MMP26: variants seen among roughly 807,000 people sequenced by gnomAD.
The protein encoded by MMP26 is matrix metalloproteinase-26.
In MMP26, 33 loss-of-function variants were observed where a neutral mutation model predicts 31.0. That is an observed-to-expected ratio of 1.06 (90% CI 0.81 to 1.42). The LOEUF (loss-of-function observed/expected upper bound fraction) is 1.42, where lower values mean the gene tolerates loss of function less well. Among genes scored for constraint, MMP26 ranks in the 40% most tolerant of loss-of-function variants. The probability of loss-of-function intolerance (pLI) is 0.00; values close to 1 mark genes in which losing one functional copy is unlikely to be tolerated. For synonymous variants in MMP26, 122 were observed against 114.9 expected, an observed-to-expected ratio of 1.06 and a Z score of -0.40; for missense variants, 347 against 316.1, an observed-to-expected ratio of 1.10 and a Z score of -0.74.
intron 2 of MMP26, among the ~76,000 whole-genome samples, chr11:4,938,708 GCA>G (rs1183170416): frequency 2.0e-5 from 3 of 152,106 alleles, no homozygotes; most frequent in Admixed American, 1.3e-4. Context: ...GAAGGGAACA[GCA>G]CAGTTTACTC....
Position 4,776,545 on chromosome 11 carries a change from A to G in MMP26, c.-145+9204A>G, listed in dbSNP as rs76158936. Among the ~76,000 whole-genome samples the G allele has an allele frequency of 8.7e-3, 1,321 of 152,162 alleles. 15 individuals are homozygous for G. Among genetic ancestry groups the G allele is most frequent in the African/African-American group, 0.03 (1,262 of 41,518 alleles). ...ATTTGTACTTCTCTGATGATTAGTG[A>G]TATGGTTTGGCTCTGTGCCCCCTAC... On this transcript the variant is annotated intron_variant, in intron 2 of 7. Transcript: ENST00000380390.
At chr11:4,899,265 A>G (rs73405042) in intron 2 of MMP26, among the ~76,000 whole-genome samples, 5,052 of 152,210 alleles carry the variant, frequency 0.033, 280 homozygotes, top group African/African-American at 0.12. Context: ...GTATTACTCA[A>G]ATTCAACTGC....
rs1350269228 is a variant in MMP26, at chr11:4,704,802, T to A, written c.-460T>A. ...ATCTGGTAGTTCTCCTATTCCTGAA[T>A]TTTTTCCCTATGTTTTCTCCTGGCA... On this transcript the variant is annotated 5_prime_UTR_variant, in exon 1 of 8. Coordinates refer to ENST00000380390, the MANE Select transcript of MMP26 (RefSeq NM_021801.5). The A allele has an allele frequency of 3.3e-5, 5 of 152,228 alleles. No individual in the cohort carries two copies. The highest frequency in any genetic ancestry group is 7.3e-5 in the Non-Finnish European group (5 of 68,104). 9.4% of individuals were successfully genotyped at this position (152,228 alleles called of 1,614,324 possible).
chr11:4,831,531 A>T (rs1353257823), intron 2 of MMP26, among the ~76,000 whole-genome samples: 1 of 152,178 alleles, frequency 6.6e-6, no homozygotes, highest in Non-Finnish European at 1.5e-5. Flanking sequence ...TTTTATTTTA[A>T]TAATATTCTT....
At chr11:4,846,731 A>C (rs1849873718) in intron 2 of MMP26, among the ~76,000 whole-genome samples, 1 of 152,210 alleles carries the variant, frequency 6.6e-6, no homozygotes, top group East Asian at 1.9e-4. Flanking sequence ...AAAGTTAGTC[A>C]ATTATTGTGC....
chr11:4,884,037 A>G (rs1370505620), intron 2 of MMP26, among the ~76,000 whole-genome samples: 1 of 152,092 alleles, frequency 6.6e-6, no homozygotes, highest in Non-Finnish European at 1.5e-5. Flanking sequence ...CTTTCAAGCT[A>G]TGTTGTTCAG....
chr11:4,851,842 C>T (rs1281093972), intron 2 of MMP26, among the ~76,000 whole-genome samples: 2 of 151,620 alleles, frequency 1.3e-5, no homozygotes, highest in African/African-American at 2.4e-5. Flanking sequence ...AAATCATTCA[C>T]CAAAAACATT....
At chr11:4,819,155 T>C (rs1021752181) in intron 2 of MMP26, among the ~76,000 whole-genome samples, 4 of 151,264 alleles carry the variant, frequency 2.6e-5, no homozygotes, top group Non-Finnish European at 4.4e-5. Context: ...ACATAGGAGG[T>C]TTTCTTATTT....
intron 1 of MMP26, among the ~76,000 whole-genome samples, chr11:4,705,807 G>C (rs1020594173): frequency 6.6e-6 from 1 of 152,084 alleles, no homozygotes; most frequent in African/African-American, 2.4e-5. Flanking sequence ...GGCCAACATG[G>C]TGAAACCCCA....
intron 2 of MMP26, among the ~76,000 whole-genome samples, chr11:4,773,997 C>A (rs1055466843): frequency 6.6e-6 from 1 of 152,172 alleles, no homozygotes; most frequent in African/African-American, 2.4e-5. Flanking sequence ...GCATAGTACT[C>A]CATGGTTTAT....
chr11:4,738,679 A>C (rs1848274002), intron 1 of MMP26, among the ~76,000 whole-genome samples: 1 of 152,202 alleles, frequency 6.6e-6, no homozygotes, highest in Non-Finnish European at 1.5e-5. Context: ...AGAAATAAAT[A>C]GCCTTTTGTC....
At chr11:4,943,918 A>G (rs1846254862) in intron 2 of MMP26, 3 of 426,894 alleles carry the variant, frequency 7.0e-6, no homozygotes, top group South Asian at 3.4e-5. Context: ...TCTATGTACA[A>G]TATCCTGAAA....
rs114566733 is a variant in MMP26, at chr11:4,969,239, G to A, written c.-144-18829G>A. 5.1e-3 allele frequency among the ~76,000 whole-genome samples: 773 copies of A among 151,988 alleles called. 9 individuals carry two copies. Among genetic ancestry groups the A allele is most frequent in the African/African-American group, 0.017 (714 of 41,542 alleles). On this transcript the variant is annotated intron_variant, in intron 2 of 7. Transcript: ENST00000380390. ...AACAATTTTTCAATGTGACAAAAAC[G>A]TTTATTAATGAACTCAAGTATAAGT...
chr11:4,856,097 G>A (rs921829085), intron 2 of MMP26, among the ~76,000 whole-genome samples: 2 of 152,184 alleles, frequency 1.3e-5, no homozygotes, highest in Non-Finnish European at 2.9e-5. Flanking sequence ...AGGACAACCA[G>A]TAGCAGCCAC....
Position 4,937,011 on chromosome 11 carries a change from C to T in MMP26, c.-144-51057C>T, listed in dbSNP as rs187020580. On this transcript the variant is annotated intron_variant, in intron 2 of 7. Coordinates refer to ENST00000380390, the MANE Select transcript of MMP26 (RefSeq NM_021801.5). Reference sequence around the variant, plus strand: ...TCTCTTACTAGGCATTTTTTTGCTACGGATATAAAGAAAAGCAGGAGAATA... The same window carrying T: ...TCTCTTACTAGGCATTTTTTTGCTATGGATATAAAGAAAAGCAGGAGAATA... Among the ~76,000 whole-genome samples, 18 of 152,088 alleles carry T rather than the reference C, an allele frequency of 1.2e-4. No homozygotes were observed. The East Asian group carries it at 1.7e-3, about 15-fold the overall frequency.
chr11:4,734,989 T>C (rs760215375), intron 1 of MMP26, among the ~76,000 whole-genome samples: 16 of 152,206 alleles, frequency 1.1e-4, no homozygotes, highest in Non-Finnish European at 2.4e-4. Context: ...CACTGACCTC[T>C]TGGCTGCACT....
chr11:4,704,801 A>T lies in MMP26; in HGVS notation c.-461A>T, dbSNP rs962605118. ...AATCTGGTAGTTCTCCTATTCCTGA[A>T]TTTTTTCCCTATGTTTTCTCCTGGC... On this transcript the variant is annotated 5_prime_UTR_variant, in exon 1 of 8. Transcript: ENST00000380390. 1.3e-5 allele frequency: 2 copies of T among 152,020 alleles called. No homozygotes were observed. Among genetic ancestry groups the T allele is most frequent in the Non-Finnish European group, 2.9e-5 (2 of 68,064 alleles). The allele number at this position is 152,020 out of a possible 1,614,324, so 9.4% of individuals were successfully genotyped here.
chr11:4,868,001 A>G (rs1850260125), intron 2 of MMP26, among the ~76,000 whole-genome samples: 1 of 152,146 alleles, frequency 6.6e-6, no homozygotes, highest in Non-Finnish European at 1.5e-5. Context: ...CTAAATACCT[A>G]TTACTGATAG....
intron 2 of MMP26, chr11:4,923,590 TACAGC>T: frequency 6.2e-7 from 1 of 1,613,840 alleles, no homozygotes; most frequent in East Asian, 2.2e-5. Context: ...AGAAGAGCAG[TACAGC>T]ACAGATATGA....
Sources: gnomAD v4.1 joint callset for allele counts (sites outside exome capture counted in the v4.1 genomes callset) on GRCh38, gnomAD v4.1.1 for gene constraint, MANE v1.5 for transcripts, NCBI Gene and HGNC (gene_info 2026-07-23, HGNC 2026-07-21) for gene names.